The following DLGAP4 variants were observed in gnomAD, a reference collection of about 807,000 sequenced individuals.
The protein encoded by DLGAP4 is disks large-associated protein 4.
Under a neutral mutation model 86.9 loss-of-function variants are expected in DLGAP4, and 18 were observed. That is an observed-to-expected ratio of 0.21 (90% CI 0.14 to 0.31). The LOEUF (loss-of-function observed/expected upper bound fraction) is 0.31, where lower values mean the gene tolerates loss of function less well. DLGAP4 is among the 10% of genes least tolerant of loss of function. DLGAP4 has a pLI of 1.00. For synonymous variants in DLGAP4, 548 were observed against 574.3 expected (o/e 0.95, Z 0.65); for missense variants, 1,085 against 1,362.6 (o/e 0.80, Z 3.21).
In DLGAP4 at chr20:36,436,193, C is replaced by T. The variant is rs1487740304; in HGVS notation, c.1084C>T (p.Arg362Trp). The T allele has an allele frequency of 6.2e-7, 1 of 1,602,304 alleles. No homozygotes were observed. Among genetic ancestry groups the T allele is most frequent in the East Asian group, 2.2e-5 (1 of 44,736 alleles). Reference sequence around the variant, plus strand: ...CGCGGCCGAGGGCCCTATCCCGTGCCGGCGCATGCGCAGCGGCAGCTACAT... The same window carrying T: ...CGCGGCCGAGGGCCCTATCCCGTGCTGGCGCATGCGCAGCGGCAGCTACAT... ...DAAAEGPIPC[R>W]RMRSGSYIKA... The change falls in exon 4 of 13, where the codon CGG becomes TGG. Residue 362 changes from arginine to tryptophan, a missense_variant. Around this residue, in one of 2 missense-constraint regions of DLGAP4, gnomAD observed 1,082 missense variants for 1,344.1 expected, o/e 0.81. Transcript: ENST00000339266.
chr20:36,436,441 A>G, intron 4 of DLGAP4, 91 bp downstream of exon 4: 1 of 1,437,822 alleles, frequency 7.0e-7, no homozygotes, highest in Non-Finnish European at 9.1e-7. Context: ...CTGCATTAAA[A>G]TAAGCCCCGC....
intron 2 of DLGAP4, among the ~76,000 whole-genome samples, chr20:36,391,748 A>G (rs2031791300): frequency 6.6e-6 from 1 of 152,096 alleles, no homozygotes; most frequent in Admixed American, 6.5e-5. Context: ...GTAGGATTCC[A>G]TGAGGTGCAA....
Position 36,496,851 on chromosome 20 carries a change from G to T in DLGAP4, c.1795G>T (p.Val599Leu). The change falls in exon 8 of 13, where the codon GTG becomes TTG. Residue 599 changes from valine (V) to leucine (L), a missense_variant. Val to Leu is a conservative substitution (Grantham distance 32). This residue lies in a region of DLGAP4 where 1,082 missense variants were observed against 1,344.1 expected (regional missense o/e 0.81). Transcript: ENST00000339266. ...GGACAGCCAGGACCACAAGAGCGAG[G>T]TGACTAGCCAGTCGGGCCTGAGCAA... ...YLDSQDHKSE[V>L]TSQSGLSNSS... is the part of the protein sequence containing the mutation. 6.2e-7 allele frequency: 1 copy of T among 1,614,240 alleles called. No homozygotes were observed. The highest frequency in any genetic ancestry group is 8.5e-7 in the Non-Finnish European group (1 of 1,180,038).
At chr20:36,384,150 T>A (rs2031511790) in intron 2 of DLGAP4, among the ~76,000 whole-genome samples, 1 of 152,112 alleles carries the variant, frequency 6.6e-6, no homozygotes, top group South Asian at 2.1e-4. Context: ...CTGTGCTGTT[T>A]GGGGTGCGGG....
intron 1 of DLGAP4, among the ~76,000 whole-genome samples, chr20:36,348,528 C>T (rs1266817148): frequency 1.3e-5 from 2 of 152,000 alleles, no homozygotes; most frequent in South Asian, 2.1e-4. Context: ...AAGCAATTCT[C>T]CCGCCTCAGC....
intron 2 of DLGAP4, among the ~76,000 whole-genome samples, chr20:36,392,431 G>GCATGATCTCAGCT (rs1376304946): frequency 1.3e-5 from 2 of 152,102 alleles, no homozygotes; most frequent in East Asian, 1.9e-4. Flanking sequence ...GAGTACAATG[G>GCATGATCTCAGCT]CATGATCTCA....
intron 2 of DLGAP4, among the ~76,000 whole-genome samples, chr20:36,401,959 G>A (rs1162901225): frequency 6.6e-6 from 1 of 152,238 alleles, no homozygotes; most frequent in East Asian, 1.9e-4. Flanking sequence ...AGTGTGGCTG[G>A]AGCCGAGTGA....
At chr20:36,349,082 G>A (rs868950848) in intron 1 of DLGAP4, among the ~76,000 whole-genome samples, 13 of 121,676 alleles carry the variant, frequency 1.1e-4, no homozygotes, top group Middle Eastern at 6.4e-3. Flanking sequence ...CAGCCTGGGC[G>A]TGACAGAACA....
At chr20:36,451,335 T>G (rs1305346521) in intron 7 of DLGAP4, among the ~76,000 whole-genome samples, 1 of 152,196 alleles carries the variant, frequency 6.6e-6, no homozygotes, top group Non-Finnish European at 1.5e-5. Flanking sequence ...TAGTAGCATC[T>G]GCTACCTGGT....
rs969743611 is a variant in DLGAP4 at position 36,316,344 on chromosome 20, G to A, written c.-304+9832G>A. 1.7e-3 allele frequency among the ~76,000 whole-genome samples: 242 copies of A among 145,172 alleles called. 1 individual carries two copies. Among genetic ancestry groups the A allele is most frequent in the East Asian group, 7.1e-3 (35 of 4,954 alleles). ...GCTTTGCCCCCATCACACCCCACCCGCAGCTCACCTGAATGACTGGGCATG... is the reference window on the plus strand; with the variant it reads ...GCTTTGCCCCCATCACACCCCACCCACAGCTCACCTGAATGACTGGGCATG... On this transcript the variant is annotated intron_variant, in intron 1 of 12. Coordinates refer to ENST00000339266, the MANE Select transcript of DLGAP4 (RefSeq NM_001365621.2).
chr20:36,499,350 T>TGCCCCCCCC (rs2036026369), intron 8 of DLGAP4: 9 of 1,544,984 alleles, frequency 5.8e-6, no homozygotes, highest in East Asian at 2.5e-5. Context: ...CTCCACCCCA[T>TGCCCCCCCC]CCCACCTCCC....
At chr20:36,387,975 C>T (rs80117149) in intron 2 of DLGAP4, among the ~76,000 whole-genome samples, 2,397 of 152,272 alleles carry the variant, frequency 0.016, 68 homozygotes, top group Admixed American at 0.072. Context: ...CTGTCCTGCT[C>T]ATTATAAGTT....
At chr20:36,488,219 CAGTT>C (rs1416370921) in intron 7 of DLGAP4, among the ~76,000 whole-genome samples, 4 of 147,854 alleles carry the variant, frequency 2.7e-5, no homozygotes, top group East Asian at 2.0e-4. Context: ...AAAAAAAAAG[CAGTT>C]AGTGCAGCAG....
chr20:36,474,280 T>C (rs767261914), intron 7 of DLGAP4, among the ~76,000 whole-genome samples: 4 of 152,046 alleles, frequency 2.6e-5, no homozygotes, highest in African/African-American at 4.8e-5. Flanking sequence ...AGGGCTCTTA[T>C]GGGGAAAGGT....
At chr20:36,515,564 G>A (rs1007065693) in intron 10 of DLGAP4, among the ~76,000 whole-genome samples, 3 of 152,060 alleles carry the variant, frequency 2.0e-5, no homozygotes, top group African/African-American at 4.8e-5. Context: ...GTTATTTTGG[G>A]GGATTTGTGC....
intron 2 of DLGAP4, among the ~76,000 whole-genome samples, chr20:36,415,551 G>T (rs1003160895): frequency 1.3e-5 from 2 of 152,206 alleles, no homozygotes; most frequent in Admixed American, 6.5e-5. Context: ...TTTGCTGTAT[G>T]CCAGCCTCTG....
At chr20:36,312,721 G>A (rs1017876606) in intron 1 of DLGAP4, among the ~76,000 whole-genome samples, 1 of 152,136 alleles carries the variant, frequency 6.6e-6, no homozygotes, top group Non-Finnish European at 1.5e-5. Flanking sequence ...GTGCTGGTGG[G>A]GGCAGTGGGA....
rs201450784 is a variant in DLGAP4 at position 36,442,792 on chromosome 20, C to T, written c.1407+15C>T. 93 of 1,614,198 alleles carry T rather than the reference C, an allele frequency of 5.8e-5. No individual in the cohort carries two copies. Among genetic ancestry groups the T allele is most frequent in the African/African-American group, 2.9e-4 (22 of 75,050 alleles). ...ATGAGCAGCAGGTCAGTATGTTTGCCCTTCTCTTCCACCCCAATCCCAGAG... is the reference window on the plus strand; with the variant it reads ...ATGAGCAGCAGGTCAGTATGTTTGCTCTTCTCTTCCACCCCAATCCCAGAG... On this transcript the variant is annotated intron_variant, in intron 6 of 12. Coordinates refer to ENST00000339266, the MANE Select transcript of DLGAP4 (RefSeq NM_001365621.2).
chr20:36,332,414 G>A (rs1350269780), intron 1 of DLGAP4, among the ~76,000 whole-genome samples: 2 of 152,024 alleles, frequency 1.3e-5, no homozygotes, highest in Non-Finnish European at 2.9e-5. Flanking sequence ...GTTTGAGACA[G>A]GGTCTCACTC....
Sources: allele counts gnomAD v4.1 joint callset (sites outside exome capture counted in the v4.1 genomes callset), GRCh38; gene constraint gnomAD v4.1.1; regional missense constraint gnomAD v4.1.1; transcripts MANE v1.5; gene names NCBI Gene and HGNC (gene_info 2026-07-23, HGNC 2026-07-21).